The following NTM variants were observed in gnomAD, a reference collection of about 807,000 sequenced individuals.
NTM encodes IgLON family member 2.
Under a neutral mutation model 42.1 loss-of-function variants are expected in NTM, and 13 were observed. The observed-to-expected ratio is 0.31, with a 90% CI of 0.20 to 0.49. The LOEUF (loss-of-function observed/expected upper bound fraction) is 0.49, where lower values mean the gene tolerates loss of function less well. Among genes scored for constraint, NTM ranks in the 20% least tolerant of loss-of-function variants. The pLI, the probability that NTM is intolerant of heterozygous loss-of-function variation, is 0.99. For synonymous variants in NTM, 187 were observed against 179.2 expected, an observed-to-expected ratio of 1.04 and a Z score of -0.35; for missense variants, 373 against 452.8, an observed-to-expected ratio of 0.82 and a Z score of 1.60.
At chr11:131,871,786 T>C (rs2047813936) in intron 1 of NTM, among the ~76,000 whole-genome samples, 1 of 152,114 alleles carries the variant, frequency 6.6e-6, no homozygotes, top group Non-Finnish European at 1.5e-5. Flanking sequence ...GGGAAGTCTT[T>C]CTTCCTTTTC....
At chr11:132,061,904 TG>T (rs2136037553) in intron 2 of NTM, among the ~76,000 whole-genome samples, 2 of 152,270 alleles carry the variant, frequency 1.3e-5, no homozygotes, top group African/African-American at 4.8e-5. Flanking sequence ...TGGCTGTGTG[TG>T]GGCACTTAGG....
chr11:132,102,910 A>G (rs1020179566), intron 2 of NTM, among the ~76,000 whole-genome samples: 4 of 152,188 alleles, frequency 2.6e-5, no homozygotes, highest in Admixed American at 2.6e-4. Flanking sequence ...CGCACACATC[A>G]AATGCCTCTT....
At chr11:132,119,040 G>T (rs2064320229) in intron 2 of NTM, among the ~76,000 whole-genome samples, 1 of 152,188 alleles carries the variant, frequency 6.6e-6, no homozygotes, top group Admixed American at 6.5e-5. Context: ...TCCAGCGGAT[G>T]AAAAGATGTT....
intron 1 of NTM, among the ~76,000 whole-genome samples, chr11:131,389,109 A>G (rs1028530430): frequency 3.2e-4 from 48 of 152,130 alleles, no homozygotes; most frequent in African/African-American, 1.1e-3. Context: ...CCTCTAGTCA[A>G]GTAACTGAGC....
chr11:131,776,894 G>T (rs1446684836), intron 1 of NTM, among the ~76,000 whole-genome samples: 1 of 152,078 alleles, frequency 6.6e-6, no homozygotes, highest in Non-Finnish European at 1.5e-5. Flanking sequence ...CCTTGAAGGT[G>T]GTACATATTA....
At chr11:132,330,416 G>C (rs151117498) in intron 8 of NTM, among the ~76,000 whole-genome samples, 5 of 152,218 alleles carry the variant, frequency 3.3e-5, no homozygotes, top group African/African-American at 9.6e-5. Context: ...CTCTTTGCTG[G>C]TGGCACTAAT....
intron 2 of NTM, among the ~76,000 whole-genome samples, chr11:131,914,067 G>A (rs1248211586): frequency 2.0e-5 from 3 of 152,190 alleles, no homozygotes; most frequent in African/African-American, 7.2e-5. Flanking sequence ...TGGTGGGGTG[G>A]AAGCCCCTGA....
chr11:131,987,466 T>C (rs2135041788), intron 2 of NTM, among the ~76,000 whole-genome samples: 1 of 152,072 alleles, frequency 6.6e-6, no homozygotes, highest in South Asian at 2.1e-4. Flanking sequence ...CTTTTATCTT[T>C]CAAAATTTGA....
At chr11:132,277,799 T>A (rs1231357732) in intron 4 of NTM, among the ~76,000 whole-genome samples, 3 of 151,922 alleles carry the variant, frequency 2.0e-5, no homozygotes, top group Non-Finnish European at 2.9e-5. Context: ...TTGTAAAAGC[T>A]TGGTGCTATT....
intron 2 of NTM, among the ~76,000 whole-genome samples, chr11:132,001,626 C>T (rs2069261504): frequency 6.6e-6 from 1 of 152,126 alleles, no homozygotes; most frequent in African/African-American, 2.4e-5. Context: ...CAACAGATCT[C>T]ATGAGGACAG....
intron 1 of NTM, among the ~76,000 whole-genome samples, chr11:131,609,289 G>A (rs2061278045): frequency 6.6e-6 from 1 of 152,236 alleles, no homozygotes; most frequent in Admixed American, 6.5e-5. Flanking sequence ...GGTTGCTTGA[G>A]ATGGTGTGCT....
rs188272602 is a variant in NTM, at chr11:131,454,370, G to T, written c.82+83482G>T. Among the ~76,000 whole-genome samples the T allele has an allele frequency of 4.6e-5, 7 of 152,256 alleles. No individual in the cohort carries two copies. The East Asian group carries it at 1.4e-3, about 29-fold the overall frequency. ...TGTGGAACACATCCCCCTTGAGTAAGGGGGGACTACTGTATTCCCTTTTCT... is the reference window on the plus strand; with the variant it reads ...TGTGGAACACATCCCCCTTGAGTAATGGGGGACTACTGTATTCCCTTTTCT... On this transcript the variant is annotated intron_variant, in intron 1 of 8. Transcript: ENST00000683400.
At chr11:132,135,645 C>T (rs908943739) in intron 2 of NTM, among the ~76,000 whole-genome samples, 4 of 152,190 alleles carry the variant, frequency 2.6e-5, no homozygotes, top group African/African-American at 9.7e-5. Flanking sequence ...GGGACGCAAA[C>T]CCTAGGCACT....
chr11:132,056,820 T>A (rs1380316581), intron 2 of NTM, among the ~76,000 whole-genome samples: 1 of 152,160 alleles, frequency 6.6e-6, no homozygotes. Context: ...GTTCAACTCT[T>A]GCACAGTCCA....
chr11:131,424,932 T>G lies in NTM; in HGVS notation c.82+54044T>G, dbSNP rs902861632. On this transcript the variant is annotated intron_variant, in intron 1 of 8. Coordinates refer to ENST00000683400, the MANE Select transcript of NTM (RefSeq NM_001352005.2). ...TCTCGCTCTGTCACCCAGGTTGGAA[T>G]GCGGTGGCTCGATCTTGGCTCATTG... Among the ~76,000 whole-genome samples, 3 of 150,222 alleles carry G rather than the reference T, an allele frequency of 2.0e-5. No individual in the cohort carries two copies. The East Asian group carries it at 5.9e-4, about 30-fold the overall frequency.
intron 2 of NTM, among the ~76,000 whole-genome samples, chr11:131,955,404 A>G (rs112849442): frequency 0.016 from 2,511 of 152,222 alleles, 62 homozygotes; most frequent in African/African-American, 0.054. Context: ...AAGTGGCACT[A>G]TGGCAACTGC....
intron 1 of NTM, among the ~76,000 whole-genome samples, chr11:131,685,372 A>ATCCATGGGAAGCAGCT (rs58712045): frequency 1.3e-5 from 2 of 152,178 alleles, no homozygotes; most frequent in African/African-American, 4.8e-5. Flanking sequence ...AGAGTCGGGC[A>ATCCATGGGAAGCAGCT]GGCAGGCTGA....
chr11:132,046,398 C>A lies in NTM; in HGVS notation c.168-99884C>A, dbSNP rs199869154. The stretch of plus-strand genomic sequence containing the variant: ...AGAAAAAGGAAAAGAAAAAAAAAAA[C>A]CCACCCCTTTACATAACAACACAGC... On this transcript the variant is annotated intron_variant, in intron 2 of 8. Transcript: ENST00000683400. Among the ~76,000 whole-genome samples, 17 of 150,158 alleles carry A rather than the reference C, an allele frequency of 1.1e-4. No individual in the cohort carries two copies. In the East Asian group the frequency reaches 1.7e-3, roughly 15 times the overall value.
intron 2 of NTM, among the ~76,000 whole-genome samples, chr11:131,960,188 A>C (rs1264422870): frequency 1.3e-5 from 2 of 152,172 alleles, no homozygotes; most frequent in Non-Finnish European, 2.9e-5. Context: ...CAAGAAGTAC[A>C]AGCTCGAGGG....
Sources: gnomAD v4.1 joint callset for allele counts (sites outside exome capture counted in the v4.1 genomes callset) on GRCh38, gnomAD v4.1.1 for gene constraint, MANE v1.5 for transcripts, NCBI Gene and HGNC (gene_info 2026-07-23, HGNC 2026-07-21) for gene names.